Variants in TAFA5 observed in about 807,000 individuals in gnomAD.
TAFA5 encodes the protein TAFA chemokine like family member 5, also known as chemokine-like protein TAFA-5.
In TAFA5, 6 loss-of-function variants were observed where a neutral mutation model predicts 15.3. The ratio of observed to expected loss-of-function variants is 0.39; its 90% CI spans 0.21 to 0.77. The LOEUF (loss-of-function observed/expected upper bound fraction) is 0.77, where lower values mean the gene tolerates loss of function less well. Among genes scored for constraint, TAFA5 ranks in the 30% least tolerant of loss-of-function variants. The pLI is 0.41. For synonymous variants in TAFA5, 103 were observed against 80.7 expected (o/e 1.28, Z -1.48); for missense variants, 161 against 193.1 (o/e 0.83, Z 0.98).
intron 1 of TAFA5, among the ~76,000 whole-genome samples, chr22:48,639,667 G>A (rs743053): frequency 0.14 from 21,107 of 152,120 alleles, 1,860 homozygotes; most frequent in African/African-American, 0.24. Flanking sequence ...TGCCCCACCA[G>A]CCCCCGCCTA....
At chr22:48,738,922 G>A (rs926235628) in intron 3 of TAFA5, among the ~76,000 whole-genome samples, 2 of 152,134 alleles carry the variant, frequency 1.3e-5, no homozygotes, top group African/African-American at 2.4e-5. Flanking sequence ...CATTGTCACC[G>A]GCTCCTCCTT....
intron 2 of TAFA5, among the ~76,000 whole-genome samples, chr22:48,703,542 C>T (rs1160962956): frequency 6.6e-6 from 1 of 152,244 alleles, no homozygotes; most frequent in Non-Finnish European, 1.5e-5. Flanking sequence ...TGGTGGCTTG[C>T]ATCCTAGCCT....
intron 1 of TAFA5, among the ~76,000 whole-genome samples, chr22:48,587,552 T>G (rs1220826973): frequency 6.6e-6 from 1 of 152,272 alleles, no homozygotes. Context: ...TGCATTTCTG[T>G]GGACTCCTAG....
chr22:48,696,226 G>C (rs900896875), intron 2 of TAFA5, among the ~76,000 whole-genome samples: 1 of 152,220 alleles, frequency 6.6e-6, no homozygotes. Context: ...CCGGGCCTGA[G>C]CTCTGCAGAC....
intron 1 of TAFA5, among the ~76,000 whole-genome samples, chr22:48,497,307 T>A (rs1390198753): frequency 1.3e-5 from 2 of 152,102 alleles, no homozygotes; most frequent in African/African-American, 2.4e-5. Context: ...CCCGGCAGGG[T>A]TCTTCCATCT....
At chr22:48,597,897 C>T (rs1393891758) in intron 1 of TAFA5, among the ~76,000 whole-genome samples, 4 of 152,308 alleles carry the variant, frequency 2.6e-5, no homozygotes, top group South Asian at 4.1e-4. Flanking sequence ...GACCAACGCA[C>T]GGGCCGATTA....
chr22:48,560,219 G>A lies in TAFA5; in HGVS notation c.112+70515G>A, dbSNP rs1378561195. 6.6e-6 allele frequency among the ~76,000 whole-genome samples: 1 copy of A among 152,244 alleles called. No homozygotes were observed. The highest frequency in any genetic ancestry group is 1.5e-5 in the Non-Finnish European group (1 of 68,048). ...AGCCTGTCAGTTTCTGGGCGGGGGT[G>A]TGATGTGGCTGAGGCGTCTGTCCCT... On this transcript the variant is annotated intron_variant, in intron 1 of 3. Coordinates refer to ENST00000402357, the MANE Select transcript of TAFA5 (RefSeq NM_001082967.3). The surrounding 1 kb of genome is among the most constrained non-coding windows in gnomAD (Gnocchi z 4.2).
chr22:48,688,180 G>A (rs1200919967), intron 2 of TAFA5, among the ~76,000 whole-genome samples: 1 of 152,044 alleles, frequency 6.6e-6, no homozygotes, highest in Non-Finnish European at 1.5e-5. Context: ...TTCATAAAGG[G>A]AGGCGTTTCC....
chr22:48,600,201 G>C (rs531371490), intron 1 of TAFA5, among the ~76,000 whole-genome samples: 2 of 152,334 alleles, frequency 1.3e-5, no homozygotes, highest in Admixed American at 6.5e-5. Context: ...AACATCCCCA[G>C]ATAACAGTGC....
intron 1 of TAFA5, among the ~76,000 whole-genome samples, chr22:48,562,129 C>G (rs572353684): frequency 1.3e-3 from 203 of 152,180 alleles, no homozygotes; most frequent in African/African-American, 4.0e-3. Flanking sequence ...TTCCCCAGAG[C>G]CTTTCTTTTT....
chr22:48,595,857 T>TAC (rs1239389547), intron 1 of TAFA5, among the ~76,000 whole-genome samples: 1 of 152,272 alleles, frequency 6.6e-6, no homozygotes. Context: ...TGGTATCTTG[T>TAC]AGCCTTATTA....
chr22:48,731,413 C>G (rs925438621), intron 3 of TAFA5, among the ~76,000 whole-genome samples: 2 of 152,190 alleles, frequency 1.3e-5, no homozygotes, highest in African/African-American at 4.8e-5. Flanking sequence ...GATGAAAGAG[C>G]CTTCTATTGC....
intron 1 of TAFA5, among the ~76,000 whole-genome samples, chr22:48,537,221 G>A (rs1922198975): frequency 6.6e-6 from 1 of 152,050 alleles, no homozygotes; most frequent in Non-Finnish European, 1.5e-5. Context: ...GGGCAGGGTG[G>A]GGCAGGGGAG....
At chr22:48,639,106 A>G (rs1003731891) in intron 1 of TAFA5, among the ~76,000 whole-genome samples, 1 of 152,216 alleles carries the variant, frequency 6.6e-6, no homozygotes, top group Non-Finnish European at 1.5e-5. Context: ...TGGGCAGGAC[A>G]GGCTGAGGAC....
chr22:48,604,537 C>T (rs1046619505), intron 1 of TAFA5, among the ~76,000 whole-genome samples: 1 of 152,238 alleles, frequency 6.6e-6, no homozygotes, highest in African/African-American at 2.4e-5. Context: ...AGGGAGTGCT[C>T]AAGCTTGGGA....
chr22:48,563,429 C>A (rs1923305710), intron 1 of TAFA5, among the ~76,000 whole-genome samples: 1 of 152,204 alleles, frequency 6.6e-6, no homozygotes, highest in African/African-American at 2.4e-5. Flanking sequence ...GGGCCCTGAA[C>A]TCCTCTGGGC....
intron 1 of TAFA5, among the ~76,000 whole-genome samples, chr22:48,622,499 G>T (rs1179094040): frequency 6.6e-6 from 1 of 152,198 alleles, no homozygotes; most frequent in African/African-American, 2.4e-5. Context: ...GGAGTGGACA[G>T]AAACTACTCA....
At chr22:48,587,401 C>T (rs1447066474) in intron 1 of TAFA5, among the ~76,000 whole-genome samples, 7 of 152,130 alleles carry the variant, frequency 4.6e-5, no homozygotes, top group African/African-American at 1.7e-4. Context: ...GAGCTGCTGC[C>T]CTTGCGTGGA....
intron 1 of TAFA5, among the ~76,000 whole-genome samples, chr22:48,569,458 A>T (rs1322349355): frequency 6.6e-6 from 1 of 152,032 alleles, no homozygotes; most frequent in Non-Finnish European, 1.5e-5. Flanking sequence ...GGCTGGTCTG[A>T]TAGTGGACTT....
Sources: allele counts gnomAD v4.1 joint callset (sites outside exome capture counted in the v4.1 genomes callset), GRCh38; gene constraint gnomAD v4.1.1; non-coding constraint Gnocchi (gnomAD v3.1); transcripts MANE v1.5; gene names NCBI Gene and HGNC (gene_info 2026-07-23, HGNC 2026-07-21).